DENND1A: variants seen among roughly 807,000 people sequenced by gnomAD.
DENND1A encodes the protein DENN domain containing 1A, also known as DENN domain-containing protein 1A.
DENND1A carries 51 observed loss-of-function variants against 113.7 expected under a neutral mutation model. The ratio of observed to expected loss-of-function variants is 0.45; its 90% confidence interval spans 0.36 to 0.57. DENND1A has a LOEUF of 0.57. DENND1A is among the 20% of genes least tolerant of loss of function. The pLI is 0.00. For synonymous variants in DENND1A, 565 were observed against 570.8 expected, an observed-to-expected ratio of 0.99 and a Z score of 0.14; for missense variants, 1,258 against 1,395.9, an observed-to-expected ratio of 0.90 and a Z score of 1.57.
intron 11 of DENND1A, among the ~76,000 whole-genome samples, chr9:123,584,387 A>G (rs1303281126): frequency 2.0e-5 from 3 of 152,176 alleles, no homozygotes; most frequent in Non-Finnish European, 4.4e-5. Context: ...CTCAGATGCC[A>G]ACCACCTAAG....
intron 2 of DENND1A, among the ~76,000 whole-genome samples, chr9:123,796,776 C>T (rs1167334874): frequency 6.9e-6 from 1 of 145,462 alleles, no homozygotes; most frequent in Non-Finnish European, 1.5e-5. Context: ...CACACACACA[C>T]ACACACACAC....
chr9:123,855,130 T>C (rs1176290483), intron 2 of DENND1A, among the ~76,000 whole-genome samples: 3 of 151,350 alleles, frequency 2.0e-5, no homozygotes, highest in African/African-American at 7.4e-5. Context: ...TATTTGGACA[T>C]AACAAATTCC....
At chr9:123,814,801 C>G (rs1377065693) in intron 2 of DENND1A, among the ~76,000 whole-genome samples, 2 of 152,144 alleles carry the variant, frequency 1.3e-5, no homozygotes, top group African/African-American at 4.8e-5. Flanking sequence ...GAAAAATGCA[C>G]TCTAGTTTCC....
At chr9:123,666,887 T>A (rs1217100381) in intron 8 of DENND1A, 139 bp downstream of exon 8, 4 of 779,240 alleles carry the variant, frequency 5.1e-6, no homozygotes, top group Non-Finnish European at 7.7e-6. Context: ...TTCTTATACT[T>A]TTGTTTTTAT....
At chr9:123,644,057 T>A (rs1278826865) in intron 9 of DENND1A, among the ~76,000 whole-genome samples, 1 of 152,184 alleles carries the variant, frequency 6.6e-6, no homozygotes, top group Non-Finnish European at 1.5e-5. Flanking sequence ...CTGGTTTTAA[T>A]TCCATCTCTG....
At chr9:123,498,923 A>C (rs1465700439) in intron 13 of DENND1A, among the ~76,000 whole-genome samples, 1 of 151,720 alleles carries the variant, frequency 6.6e-6, no homozygotes, top group East Asian at 1.9e-4. Context: ...GGGTTTCACC[A>C]TGTTGGCCAG....
At position 123,668,191 on chromosome 9, in the gene DENND1A, C is replaced by T. The variant is rs116366921; in HGVS notation, c.454-1112G>A. ...AAAGGTCACATGCAGAGAAGGTCAG[C>T]GTAGCCATGGCCTAAGTTCAAATCT... On this transcript the variant is annotated intron_variant, in intron 7 of 23. Coordinates refer to ENST00000394215, the MANE Select transcript of DENND1A (RefSeq NM_001352964.2). Among the ~76,000 whole-genome samples the T allele has an allele frequency of 4.5e-4, 69 of 152,184 alleles. 1 individual carries two copies. Among genetic ancestry groups the T allele is most frequent in the African/African-American group, 1.6e-3 (68 of 41,516 alleles).
At chr9:123,874,961 T>C (rs1051381967) in intron 2 of DENND1A, among the ~76,000 whole-genome samples, 1 of 152,202 alleles carries the variant, frequency 6.6e-6, no homozygotes, top group Non-Finnish European at 1.5e-5. Flanking sequence ...GCATGGCTTA[T>C]AGTAGCCAAA....
intron 8 of DENND1A, among the ~76,000 whole-genome samples, chr9:123,656,515 C>T (rs76815169): frequency 6.6e-5 from 10 of 151,974 alleles, no homozygotes; most frequent in Admixed American, 1.3e-4. Flanking sequence ...CAGGACTTGA[C>T]GATGAATTAG....
chr9:123,582,524 T>G (rs2058956626), intron 12 of DENND1A, among the ~76,000 whole-genome samples: 1 of 150,482 alleles, frequency 6.6e-6, no homozygotes, highest in African/African-American at 2.5e-5. Context: ...CTCAGCCTCC[T>G]GAGTAGCTGG....
intron 13 of DENND1A, among the ~76,000 whole-genome samples, chr9:123,477,815 A>T (rs1188531604): frequency 6.6e-6 from 1 of 152,084 alleles, no homozygotes; most frequent in Non-Finnish European, 1.5e-5. Context: ...CTTTTAAATG[A>T]AATTGCTTTC....
intron 1 of DENND1A, among the ~76,000 whole-genome samples, chr9:123,881,030 G>A (rs1385604147): frequency 2.6e-5 from 4 of 152,076 alleles, no homozygotes; most frequent in South Asian, 2.1e-4. Flanking sequence ...GTGTAAAATC[G>A]TCATTTCTCC....
At chr9:123,591,931 A>G (rs939399639) in intron 11 of DENND1A, among the ~76,000 whole-genome samples, 2 of 152,252 alleles carry the variant, frequency 1.3e-5, no homozygotes, top group African/African-American at 4.8e-5. Flanking sequence ...ATAGGAGTTA[A>G]CACAGCGATT....
At chr9:123,661,723 A>AATAC (rs1266548572) in intron 8 of DENND1A, among the ~76,000 whole-genome samples, 10 of 152,244 alleles carry the variant, frequency 6.6e-5, no homozygotes, top group Admixed American at 3.9e-4. Context: ...GCAGGAAAAT[A>AATAC]ATACGAGGAG....
At chr9:123,697,435 T>C (rs2065592651) in intron 5 of DENND1A, among the ~76,000 whole-genome samples, 1 of 152,208 alleles carries the variant, frequency 6.6e-6, no homozygotes, top group Non-Finnish European at 1.5e-5. Flanking sequence ...TGGTACTTGG[T>C]TACATGAGTA....
intron 10 of DENND1A, among the ~76,000 whole-genome samples, chr9:123,614,498 C>G (rs1160651093): frequency 6.6e-6 from 1 of 152,114 alleles, no homozygotes; most frequent in Non-Finnish European, 1.5e-5. Flanking sequence ...TTCCTTTCCC[C>G]CAGATAACCA....
rs58211177 is a variant in DENND1A, at chr9:123,589,647, G to GAA, written c.766-6379_766-6378dup. 8.8e-3 allele frequency among the ~76,000 whole-genome samples: 313 copies of GAA among 35,430 alleles called. 22 individuals carry two copies. The highest frequency in any genetic ancestry group is 0.024 in the African/African-American group (269 of 11,102). 23.2% of individuals were successfully genotyped at this position (35,430 alleles called of 152,430 possible). On this transcript the variant is annotated intron_variant, in intron 11 of 23. Transcript: ENST00000394215. ...GACTCTATAGGCTTTTTCTCAGAAT[G>GAA]AAAAAAAAAAAAAAAAAAAAAAAAA... is the stretch of plus-strand genomic sequence containing the variant.
At chr9:123,921,781 A>G (rs1199288467) in intron 1 of DENND1A, among the ~76,000 whole-genome samples, 1 of 152,120 alleles carries the variant, frequency 6.6e-6, no homozygotes, top group Non-Finnish European at 1.5e-5. Context: ...ACCAGTCCTC[A>G]CCTCACAAAT....
At chr9:123,723,193 G>GC (rs1317578900) in intron 5 of DENND1A, among the ~76,000 whole-genome samples, 1 of 152,226 alleles carries the variant, frequency 6.6e-6, no homozygotes, top group Non-Finnish European at 1.5e-5. Context: ...GGGGCCTACA[G>GC]CCCCTCTGTT....
Sources: gnomAD v4.1 joint callset for allele counts (sites outside exome capture counted in the v4.1 genomes callset) on GRCh38, gnomAD v4.1.1 for gene constraint, MANE v1.5 for transcripts, NCBI Gene and HGNC (gene_info 2026-07-23, HGNC 2026-07-21) for gene names.